The following MMS22L variants were observed in gnomAD, a reference collection of about 807,000 sequenced individuals.
MMS22L encodes the protein protein MMS22-like.
In MMS22L, 74 loss-of-function variants were observed where a neutral mutation model predicts 159.1. The ratio of observed to expected loss-of-function variants is 0.47; its 90% CI spans 0.39 to 0.56. The LOEUF is 0.56. MMS22L is among the 20% of genes least tolerant of loss of function. The pLI is 0.00. For missense variants in MMS22L, 1,351 were observed against 1,422.1 expected (o/e 0.95, Z 0.80); for synonymous variants, 517 against 506.9 (o/e 1.02, Z -0.27).
At chr6:97,180,378 G>A (rs1054565451) in intron 16 of MMS22L, among the ~76,000 whole-genome samples, 3 of 152,118 alleles carry the variant, frequency 2.0e-5, no homozygotes, top group African/African-American at 4.8e-5. Context: ...TGGGATTACA[G>A]GCATGAGCCA....
chr6:97,176,045 A>C (rs1252435293), intron 18 of MMS22L, among the ~76,000 whole-genome samples: 1 of 152,200 alleles, frequency 6.6e-6, no homozygotes, highest in Non-Finnish European at 1.5e-5. Context: ...TCGTTCACGG[A>C]ATACTGAAAG....
chr6:97,199,521 C>G (rs1028294930), intron 14 of MMS22L, among the ~76,000 whole-genome samples: 6 of 152,054 alleles, frequency 3.9e-5, no homozygotes, highest in Non-Finnish European at 8.8e-5. Flanking sequence ...ATAGCTAATG[C>G]ACTGGAAAAG....
At chr6:97,186,461 A>G in intron 15 of MMS22L, 36 bp downstream of exon 15, 2 of 1,580,634 alleles carry the variant, frequency 1.3e-6, no homozygotes, top group East Asian at 2.3e-5. Flanking sequence ...AGAGTCTGCA[A>G]AAAGAGAAAT....
At chr6:97,163,873 C>A (rs980192838) in intron 21 of MMS22L, among the ~76,000 whole-genome samples, 3 of 151,580 alleles carry the variant, frequency 2.0e-5, no homozygotes, top group African/African-American at 7.3e-5. Flanking sequence ...TTTGGAGGGG[C>A]AATATGAATC....
intron 14 of MMS22L, among the ~76,000 whole-genome samples, chr6:97,194,462 GTACC>G (rs1487280547): frequency 6.6e-6 from 1 of 152,018 alleles, no homozygotes. Flanking sequence ...GATAATAATA[GTACC>G]TACAGAATTA....
chr6:97,236,538 G>T (rs570104058), intron 11 of MMS22L, among the ~76,000 whole-genome samples: 1 of 152,176 alleles, frequency 6.6e-6, no homozygotes, highest in African/African-American at 2.4e-5. Context: ...CTTTTTCATG[G>T]TTAAAACAAG....
chr6:97,275,414 C>T (rs535589557), intron 4 of MMS22L, among the ~76,000 whole-genome samples: 1 of 152,258 alleles, frequency 6.6e-6, no homozygotes, highest in South Asian at 2.1e-4. Context: ...GTAATCCCAG[C>T]TACTCGGGAG....
At chr6:97,253,459 ATTTTTTTTTTT>A (rs11356068) in intron 10 of MMS22L, 12 of 124,452 alleles carry the variant, frequency 9.6e-5, no homozygotes. Context: ...AGGTATCTGG[ATTTTTTTTTTT>A]TTTTTTTTTG....
At chr6:97,158,308 C>T (rs918947288) in intron 22 of MMS22L, among the ~76,000 whole-genome samples, 8 of 152,078 alleles carry the variant, frequency 5.3e-5, no homozygotes, top group African/African-American at 1.9e-4. Context: ...TTTTGTGTCT[C>T]TATCTCCTTT....
At chr6:97,195,730 G>A (rs1324146644) in intron 14 of MMS22L, among the ~76,000 whole-genome samples, 1 of 152,100 alleles carries the variant, frequency 6.6e-6, no homozygotes, top group Non-Finnish European at 1.5e-5. Context: ...GTGATATAAT[G>A]AAAAAAGTGC....
intron 3 of MMS22L, among the ~76,000 whole-genome samples, chr6:97,279,157 T>C (rs1341998110): frequency 1.3e-5 from 2 of 152,216 alleles, no homozygotes; most frequent in East Asian, 3.8e-4. Flanking sequence ...TCAAATACCA[T>C]AGCCTTCACC....
intron 11 of MMS22L, among the ~76,000 whole-genome samples, chr6:97,243,188 CTCT>C (rs746203649): frequency 2.6e-5 from 4 of 152,240 alleles, no homozygotes; most frequent in Admixed American, 6.5e-5. Flanking sequence ...TTTTAGATTT[CTCT>C]TCTTCTTCAG....
intron 10 of MMS22L, among the ~76,000 whole-genome samples, chr6:97,252,030 C>A (rs1395375581): frequency 4.0e-5 from 6 of 151,648 alleles, no homozygotes; most frequent in Non-Finnish European, 8.8e-5. Context: ...TTGCAGTAAG[C>A]CAAGACTGCG....
chr6:97,279,034 G>T, intron 3 of MMS22L, 136 bp from the exon 4 acceptor site: 1 of 619,662 alleles, frequency 1.6e-6, no homozygotes, highest in Non-Finnish European at 2.7e-6. Flanking sequence ...CCTTGTGAAT[G>T]TTAATTAAAG....
intron 3 of MMS22L, among the ~76,000 whole-genome samples, chr6:97,279,425 A>T (rs1816545197): frequency 6.6e-6 from 1 of 152,030 alleles, no homozygotes; most frequent in Non-Finnish European, 1.5e-5. Flanking sequence ...TGGAGCTTGC[A>T]GTAAGCAGAG....
chr6:97,155,296 T>G (rs1801712009), intron 22 of MMS22L, among the ~76,000 whole-genome samples: 1 of 146,800 alleles, frequency 6.8e-6, no homozygotes, highest in African/African-American at 2.6e-5. Flanking sequence ...GAATATTTTT[T>G]AACGTAGTCT....
chr6:97,255,727 A>G (rs748071135), intron 9 of MMS22L, among the ~76,000 whole-genome samples: 23 of 151,572 alleles, frequency 1.5e-4, no homozygotes, highest in African/African-American at 4.1e-4. Context: ...TTAACTTATG[A>G]GTTATTTAGA....
At position 97,165,325 on chromosome 6, in the gene MMS22L, G is replaced by A. The variant is rs752772209; in HGVS notation, c.3142C>T (p.Pro1048Ser). ...GTGTTTCTCAATGCCAGCAAAACAG[G>A]ATGTTGTCCAAGATCTGAAACATAT... ...SPYVSDLGQH[P>S]VLLALRNTAT... Residue 1048 changes from proline to serine, a missense_variant, in exon 21 of 25, where the codon CCT (proline) becomes TCT (serine). Physicochemically the swap from Pro to Ser is moderately conservative, Grantham distance 74. Transcript: ENST00000683635. 35 of 1,613,304 alleles carry A rather than the reference G, an allele frequency of 2.2e-5. No individual in the cohort carries two copies. The highest frequency in any genetic ancestry group is 2.7e-5 in the Non-Finnish European group (32 of 1,179,642).
In MMS22L at chr6:97,254,818, G is replaced by A. The variant is rs1012527100; in HGVS notation, c.943-85C>T. ...GGTTTTTCTCTATTTTTATAATGAA[G>A]CATATATACAAAAGACAAAACACAT... On this transcript the variant is annotated intron_variant, in intron 9 of 24. Coordinates refer to ENST00000683635, the MANE Select transcript of MMS22L (RefSeq NM_001350599.2). 3.1e-5 allele frequency: 34 copies of A among 1,086,580 alleles called. No homozygotes were observed. The East Asian group carries it at 8.3e-4, about 27-fold the overall frequency. The allele number at this position is 1,086,580 out of a possible 1,614,324, so 67.3% of individuals were successfully genotyped here.
Sources: allele counts gnomAD v4.1 joint callset (sites outside exome capture counted in the v4.1 genomes callset), GRCh38; gene constraint gnomAD v4.1.1; transcripts MANE v1.5; gene names NCBI Gene and HGNC (gene_info 2026-07-23, HGNC 2026-07-21).